The following SLC26A4 variants were observed in gnomAD, a reference collection of about 807,000 sequenced individuals.
SLC26A4 encodes solute carrier family 26 member 4.
Under a neutral mutation model 90.4 loss-of-function variants are expected in SLC26A4, and 93 were observed. The observed-to-expected ratio is 1.03, with a 90% CI of 0.87 to 1.22. The LOEUF is 1.22. Among genes scored for constraint, SLC26A4 ranks in the 50% most tolerant of loss-of-function variants. The probability of loss-of-function intolerance (pLI) is 0.00; values close to 1 mark genes in which losing one functional copy is unlikely to be tolerated. For missense variants in SLC26A4, 1,127 were observed against 946.2 expected, an observed-to-expected ratio of 1.19 and a Z score of -2.51; for synonymous variants, 393 against 354.6, an observed-to-expected ratio of 1.11 and a Z score of -1.22.
intron 20 of SLC26A4, among the ~76,000 whole-genome samples, chr7:107,712,887 C>T (rs920645901): frequency 6.6e-6 from 1 of 152,180 alleles, no homozygotes; most frequent in Non-Finnish European, 1.5e-5. Flanking sequence ...GATACCTACA[C>T]CTCTGCATAC....
intron 18 of SLC26A4, among the ~76,000 whole-genome samples, chr7:107,709,262 C>T (rs939051565): frequency 3.3e-5 from 5 of 152,096 alleles, no homozygotes; most frequent in African/African-American, 1.2e-4. Flanking sequence ...GATGAAACCT[C>T]CCAGTTCTCT....
chr7:107,696,101 C>A (rs1791735824), intron 13 of SLC26A4, 62 bp downstream of exon 13: 3 of 946,944 alleles, frequency 3.2e-6, no homozygotes, highest in Non-Finnish European at 3.5e-6. Flanking sequence ...CTTCCTTATA[C>A]CATTTTGATA....
chr7:107,697,923 A>G, intron 13 of SLC26A4, 119 bp from the exon 14 acceptor site: 1 of 726,392 alleles, frequency 1.4e-6, no homozygotes, highest in Non-Finnish European at 2.5e-6. Context: ...TGTCATCTGC[A>G]ATAAAGACAG....
At chr7:107,703,794 T>C (rs1056236044) in intron 17 of SLC26A4, among the ~76,000 whole-genome samples, 5 of 152,230 alleles carry the variant, frequency 3.3e-5, no homozygotes, top group African/African-American at 1.2e-4. Context: ...GTCTTGACTT[T>C]TTAAAATTAA....
rs121908360 is a variant in SLC26A4, at chr7:107,702,023, T to C, written c.2000T>C (p.Phe667Ser). Reference protein sequence around the residue: ...SLVLDCGAISFLDVVGVRSLR... With the variant: ...SLVLDCGAISSLDVVGVRSLR... ...GTGCTTGACTGTGGAGCTATATCTTTCCTGGACGTTGTTGGAGTGAGATCA... is the reference window on the plus strand; with the variant it reads ...GTGCTTGACTGTGGAGCTATATCTTCCCTGGACGTTGTTGGAGTGAGATCA... Residue 667 changes from phenylalanine to serine, a missense_variant, in exon 17 of 21, where the codon TTC becomes TCC. Phe to Ser is a radical substitution (Grantham distance 155). Coordinates refer to ENST00000644269, the MANE Select transcript of SLC26A4 (RefSeq NM_000441.2). 6.2e-7 allele frequency: 1 copy of C among 1,613,924 alleles called. No homozygotes were observed. The highest frequency in any genetic ancestry group is 8.5e-7 in the Non-Finnish European group (1 of 1,179,816).
chr7:107,706,907 C>T (rs142740751), intron 18 of SLC26A4, among the ~76,000 whole-genome samples: 1,936 of 152,270 alleles, frequency 0.013, 36 homozygotes, highest in African/African-American at 0.04. Flanking sequence ...CGGTGGCTCA[C>T]ATCTGTAATC....
intron 3 of SLC26A4, among the ~76,000 whole-genome samples, chr7:107,668,446 A>AT (rs1790776932): frequency 6.6e-6 from 1 of 152,128 alleles, no homozygotes; most frequent in Admixed American, 6.5e-5. Context: ...CAAAATTCAG[A>AT]TTTTGGAGGT....
chr7:107,667,649 T>A (rs1319753798), intron 3 of SLC26A4, among the ~76,000 whole-genome samples: 1 of 151,882 alleles, frequency 6.6e-6, no homozygotes, highest in Admixed American at 6.6e-5. Context: ...CTAGAACGTA[T>A]TTGTGAACCG....
chr7:107,679,887 ATCT>A (rs1562826822), intron 6 of SLC26A4, among the ~76,000 whole-genome samples: 13 of 82,512 alleles, frequency 1.6e-4, no homozygotes, highest in African/African-American at 1.1e-3. Flanking sequence ...ATATAATCTT[ATCT>A]TATATAATCT....
intron 6 of SLC26A4, among the ~76,000 whole-genome samples, chr7:107,681,649 T>C (rs1791232751): frequency 6.6e-6 from 1 of 152,210 alleles, no homozygotes; most frequent in African/African-American, 2.4e-5. Flanking sequence ...TCTACAGGAC[T>C]GAAGTTAATA....
intron 6 of SLC26A4, among the ~76,000 whole-genome samples, chr7:107,680,172 CTTATTATATAATATAATCTTAT>C (rs1791176740): frequency 8.7e-6 from 1 of 114,712 alleles, no homozygotes; most frequent in African/African-American, 3.8e-5. Flanking sequence ...ATAATCTTAT[CTTATTATATAATATAATCTTAT>C]CTTATTATAT....
At chr7:107,665,202 G>C (rs1364498506) in intron 3 of SLC26A4, among the ~76,000 whole-genome samples, 1 of 152,244 alleles carries the variant, frequency 6.6e-6, no homozygotes, top group East Asian at 1.9e-4. Flanking sequence ...CTTGAAAATA[G>C]ACTATTTCAG....
intron 3 of SLC26A4, among the ~76,000 whole-genome samples, chr7:107,664,564 A>G (rs1790658131): frequency 6.6e-6 from 1 of 152,148 alleles, no homozygotes; most frequent in African/African-American, 2.4e-5. Context: ...GTAGTTTGAA[A>G]CTGGCTTAAG....
intron 10 of SLC26A4, chr7:107,691,958 G>A: frequency 7.8e-7 from 1 of 1,287,914 alleles, no homozygotes; most frequent in Non-Finnish European, 1.0e-6. Context: ...TTGAGACGGA[G>A]CACTGACAAG....
At chr7:107,677,685 G>A (rs866994244) in intron 6 of SLC26A4, among the ~76,000 whole-genome samples, 3 of 150,840 alleles carry the variant, frequency 2.0e-5, no homozygotes, top group South Asian at 4.2e-4. Context: ...AGCTCACTGC[G>A]ACCTCCATCT....
At chr7:107,685,512 A>T (rs1258650657) in intron 8 of SLC26A4, among the ~76,000 whole-genome samples, 9 of 152,188 alleles carry the variant, frequency 5.9e-5, no homozygotes. Flanking sequence ...TTGAGGGTCC[A>T]TAAGTTAGGA....
chr7:107,662,482 G>C (rs546064132), intron 2 of SLC26A4, among the ~76,000 whole-genome samples: 11 of 149,420 alleles, frequency 7.4e-5, no homozygotes, highest in African/African-American at 2.7e-4. Flanking sequence ...CCCATCACTC[G>C]GCCTCAACTG....
At chr7:107,679,808 ATAT>A (rs984311657) in intron 6 of SLC26A4, among the ~76,000 whole-genome samples, 15 of 146,512 alleles carry the variant, frequency 1.0e-4, no homozygotes, top group African/African-American at 3.7e-4. Context: ...ATATAATCTT[ATAT>A]TATTATATAA....
chr7:107,692,105 C>T (rs1038122197), intron 10 of SLC26A4: 4 of 1,287,628 alleles, frequency 3.1e-6, no homozygotes, highest in East Asian at 5.6e-5. Context: ...AAGTGACCTC[C>T]TTGGCACAGG....
Sources: allele counts gnomAD v4.1 joint callset (sites outside exome capture counted in the v4.1 genomes callset), GRCh38; gene constraint gnomAD v4.1.1; transcripts MANE v1.5; gene names NCBI Gene and HGNC (gene_info 2026-07-23, HGNC 2026-07-21).